The following BEND5 variants were observed in gnomAD, a reference collection of about 807,000 sequenced individuals.
The protein encoded by BEND5 is BEN domain-containing protein 5.
Under a neutral mutation model 43.9 loss-of-function variants are expected in BEND5, and 22 were observed. That is an observed-to-expected ratio of 0.50 (90% CI 0.36 to 0.72). The LOEUF (loss-of-function observed/expected upper bound fraction) is 0.72. BEND5 is among the 30% of genes least tolerant of loss of function. BEND5 has a pLI of 0.00. For missense variants in BEND5, 428 were observed against 550.6 expected (o/e 0.78, Z 2.23); for synonymous variants, 228 against 225.9 (o/e 1.01, Z -0.08).
At chr1:48,771,079 A>G (rs963486497) in intron 1 of BEND5, among the ~76,000 whole-genome samples, 3 of 152,216 alleles carry the variant, frequency 2.0e-5, no homozygotes, top group Non-Finnish European at 2.9e-5. Context: ...TATTTATAAC[A>G]TATTTGGTAG....
At chr1:48,744,807 G>A (rs1295319637) in intron 3 of BEND5, among the ~76,000 whole-genome samples, 1 of 152,074 alleles carries the variant, frequency 6.6e-6, no homozygotes, top group Non-Finnish European at 1.5e-5. Context: ...CTACCGCTAG[G>A]GTTCATTTCT....
At chr1:48,752,418 G>A (rs929761226) in intron 3 of BEND5, among the ~76,000 whole-genome samples, 6 of 152,288 alleles carry the variant, frequency 3.9e-5, no homozygotes, top group East Asian at 1.9e-4. Flanking sequence ...AAAGTTGGGC[G>A]TGGTAATGGA....
chr1:48,761,410 G>C lies in BEND5; in HGVS notation c.287C>G (p.Ser96Cys). Residue 96 changes from serine to cysteine, a missense_variant, in exon 2 of 6, where the codon TCT (serine) becomes TGT (cysteine). By Grantham distance (112) the Ser-to-Cys change is moderately radical. Around this residue, in one of 4 missense-constraint regions of BEND5, gnomAD observed 243 missense variants for 286.4 expected, o/e 0.85. Coordinates refer to ENST00000371833, the MANE Select transcript of BEND5 (RefSeq NM_024603.4). The stretch of plus-strand genomic sequence containing the variant: ...TCCATCTTCTTCTACATGATTAAGA[G>C]AAAGCTTGGGGATTTTTATTTTCTT... ...MQKKIKIPKL[S>C]LNHVEEDGEV... 1 of 1,551,564 alleles carries C rather than the reference G, an allele frequency of 6.4e-7. No homozygotes were observed. Among genetic ancestry groups the C allele is most frequent in the East Asian group, 2.4e-5 (1 of 40,898 alleles).
chr1:48,731,077 T>G (rs1648051231), intron 5 of BEND5, among the ~76,000 whole-genome samples: 1 of 152,310 alleles, frequency 6.6e-6, no homozygotes, highest in African/African-American at 2.4e-5. Context: ...ATAAAGGCTT[T>G]TCTATTTTTT....
chr1:48,736,479 T>C lies in BEND5; in HGVS notation c.895-27A>G. On this transcript the variant is annotated intron_variant, in intron 4 of 5. Coordinates refer to ENST00000371833, the MANE Select transcript of BEND5 (RefSeq NM_024603.4). The surrounding 1 kb of genome is among the most constrained non-coding windows in gnomAD (Gnocchi z 4.0). ...TGAGAGGAATAAGAACACCAGCACC[T>C]GTTTAGTCCGACAGGAGGGCAGTGG... The C allele has an allele frequency of 6.2e-7, 1 of 1,603,518 alleles. No individual in the cohort carries two copies. Among genetic ancestry groups the C allele is most frequent in the Non-Finnish European group, 8.5e-7 (1 of 1,170,932 alleles).
chr1:48,762,564 T>TGGATGTA (rs1301460101), intron 1 of BEND5, among the ~76,000 whole-genome samples: 1 of 151,864 alleles, frequency 6.6e-6, no homozygotes, highest in Non-Finnish European at 1.5e-5. Flanking sequence ...TGCCCAATGT[T>TGGATGTA]GGATGTAGCA....
At chr1:48,769,495 C>T (rs1156942364) in intron 1 of BEND5, among the ~76,000 whole-genome samples, 1 of 149,534 alleles carries the variant, frequency 6.7e-6, no homozygotes, top group Non-Finnish European at 1.5e-5. Flanking sequence ...GTAAGCCTTT[C>T]ATGCTTAGGT....
chr1:48,769,885 C>A (rs1245014726), intron 1 of BEND5, among the ~76,000 whole-genome samples: 3 of 152,220 alleles, frequency 2.0e-5, no homozygotes, highest in Non-Finnish European at 4.4e-5. Context: ...ACAATTTTAA[C>A]CCAGACTATG....
chr1:48,747,634 C>G lies in BEND5; in HGVS notation c.746-4863G>C, dbSNP rs144026444. Among the ~76,000 whole-genome samples the G allele has an allele frequency of 1.3e-3, 205 of 152,356 alleles. 1 individual carries two copies. The highest frequency in any genetic ancestry group is 6.8e-3 in the Middle Eastern group (2 of 294). ...CCTGGTTCTGTTATTTACTTTACCT[C>G]TTTAAGCCCTACTGGCTTTTTCCCT... is the stretch of plus-strand genomic sequence containing the variant. On this transcript the variant is annotated intron_variant, in intron 3 of 5. Coordinates refer to ENST00000371833, the MANE Select transcript of BEND5 (RefSeq NM_024603.4).
At chr1:48,737,852 G>A (rs1396860081) in intron 4 of BEND5, among the ~76,000 whole-genome samples, 1 of 152,132 alleles carries the variant, frequency 6.6e-6, no homozygotes, top group Non-Finnish European at 1.5e-5. Context: ...TCTGTGAAGG[G>A]ACGAAATGGC....
At chr1:48,730,519 G>A (rs1647936434) in intron 5 of BEND5, among the ~76,000 whole-genome samples, 1 of 152,168 alleles carries the variant, frequency 6.6e-6, no homozygotes, top group African/African-American at 2.4e-5. Flanking sequence ...GAGAAGGCAG[G>A]AGAGTGGGTG....
chr1:48,757,377 G>C (rs537188180), intron 3 of BEND5, among the ~76,000 whole-genome samples: 35 of 152,236 alleles, frequency 2.3e-4, no homozygotes, highest in African/African-American at 7.5e-4. Flanking sequence ...TTTTAATAAA[G>C]AACTTTACTA....
chr1:48,760,911 T>C (rs1041271344), intron 2 of BEND5: 1 of 154,622 alleles, frequency 6.5e-6, no homozygotes, highest in Non-Finnish European at 1.4e-5. Flanking sequence ...ACAAATCCCT[T>C]CTGTGAACCT....
chr1:48,776,573 G>A (rs1477065068), intron 1 of BEND5, 33 bp downstream of exon 1: 1 of 1,361,776 alleles, frequency 7.3e-7, no homozygotes, highest in Non-Finnish European at 9.5e-7. Flanking sequence ...CCCCCGCCCG[G>A]GTCCCACCGT....
intron 1 of BEND5, among the ~76,000 whole-genome samples, chr1:48,768,519 C>T (rs916384502): frequency 5.3e-5 from 8 of 152,024 alleles, no homozygotes; most frequent in African/African-American, 1.7e-4. Context: ...TGGTAATAGG[C>T]AAATGGTGTT....
chr1:48,761,141 T>A, intron 2 of BEND5, 196 bp downstream of exon 2: 1 of 578,026 alleles, frequency 1.7e-6, no homozygotes. Context: ...ACAGCATGAA[T>A]CAGGGCTCTC....
At chr1:48,776,312 A>T (rs1296908759) in intron 1 of BEND5, among the ~76,000 whole-genome samples, 1 of 152,226 alleles carries the variant, frequency 6.6e-6, no homozygotes, top group Admixed American at 6.5e-5. Context: ...AGGAACGAAG[A>T]AAACACAAAG....
intron 1 of BEND5, among the ~76,000 whole-genome samples, chr1:48,769,490 C>G (rs1410611237): frequency 6.9e-6 from 1 of 145,772 alleles, no homozygotes; most frequent in African/African-American, 2.5e-5. Context: ...TAATAGTAAG[C>G]CTTTCATGCT....
chr1:48,736,223 C>T lies in BEND5; in HGVS notation c.1108+16G>A. 2 of 1,607,172 alleles carry T rather than the reference C, an allele frequency of 1.2e-6. No homozygotes were observed. Among genetic ancestry groups the T allele is most frequent in the Non-Finnish European group, 1.7e-6 (2 of 1,173,760 alleles). On this transcript the variant is annotated intron_variant, in intron 5 of 5. Transcript: ENST00000371833. The surrounding 1 kb of genome is among the most constrained non-coding windows in gnomAD (Gnocchi z 4.0). ...AGACAGAATCCCAGCCATTGTGTTT[C>T]CACTCAGTGACCTACCTCTGACGAT... is the stretch of plus-strand genomic sequence containing the variant.
Sources: gnomAD v4.1 joint callset for allele counts (sites outside exome capture counted in the v4.1 genomes callset) on GRCh38, gnomAD v4.1.1 for gene constraint, gnomAD v4.1.1 regional missense constraint, Gnocchi (gnomAD v3.1) non-coding constraint, MANE v1.5 for transcripts, NCBI Gene and HGNC (gene_info 2026-07-23, HGNC 2026-07-21) for gene names.